The following GPAT4 variants were observed in gnomAD, a reference collection of about 807,000 sequenced individuals.
GPAT4 encodes the protein glycerol-3-phosphate acyltransferase 4.
In GPAT4, 17 loss-of-function variants were observed where a neutral mutation model predicts 58.0. The observed-to-expected ratio is 0.29, with a 90% CI of 0.20 to 0.44. The LOEUF is 0.44. Ranked by LOEUF, GPAT4 falls within the 20% of genes least tolerant of loss-of-function variation. The pLI, the probability that GPAT4 is intolerant of heterozygous loss-of-function variation, is 1.00. For missense variants in GPAT4, 377 were observed against 574.5 expected (o/e 0.66, Z 3.51); for synonymous variants, 204 against 210.1 (o/e 0.97, Z 0.25).
At chr8:41,601,434 G>A (rs12375290) in intron 2 of GPAT4, among the ~76,000 whole-genome samples, 157 of 152,184 alleles carry the variant, frequency 1.0e-3, no homozygotes, top group Middle Eastern at 3.4e-3. Flanking sequence ...GGATCCCTGC[G>A]GATGGTATAA....
At chr8:41,591,759 T>C (rs946951314) in intron 1 of GPAT4, among the ~76,000 whole-genome samples, 1 of 152,250 alleles carries the variant, frequency 6.6e-6, no homozygotes, top group Non-Finnish European at 1.5e-5. Context: ...GTGCCAGTTT[T>C]GTCATATCTC....
chr8:41,596,272 A>G (rs1210245363), intron 1 of GPAT4, among the ~76,000 whole-genome samples: 2 of 152,102 alleles, frequency 1.3e-5, no homozygotes, highest in Non-Finnish European at 2.9e-5. Context: ...CACACCACAA[A>G]ACAAAGAACG....
rs754488446 is a variant in GPAT4, at chr8:41,612,920, G to A, written c.871G>A (p.Glu291Lys). 36 of 1,614,006 alleles carry A rather than the reference G, an allele frequency of 2.2e-5. 1 individual carries two copies. The highest frequency in any genetic ancestry group is 8.5e-7 in the Non-Finnish European group (1 of 1,180,030). ...GAAGGCCTGCCCACACGTCTGGTTTGAGCGCTCGGAAGTGAAGGATCGCCA... is the reference window on the plus strand; with the variant it reads ...GAAGGCCTGCCCACACGTCTGGTTTAAGCGCTCGGAAGTGAAGGATCGCCA... ...MVKACPHVWF[E>K]RSEVKDRHLV... The change falls in exon 8 of 13, where the codon GAG becomes AAG. Residue 291 changes from glutamate (E) to lysine (K), a missense_variant. Physicochemically the swap from Glu to Lys is moderately conservative, Grantham distance 56. Transcript: ENST00000396987.
Position 41,599,073 on chromosome 8 carries a change from AG to A in GPAT4, c.-65del. The A allele has an allele frequency of 6.5e-7, 1 of 1,546,054 alleles. No individual in the cohort carries two copies. Among genetic ancestry groups the A allele is most frequent in the Non-Finnish European group, 8.7e-7 (1 of 1,151,830 alleles). On this transcript the variant is annotated 5_prime_UTR_variant, in exon 2 of 13. It removes the in-frame stop codon of an upstream open reading frame in the 5' UTR. Coordinates refer to ENST00000396987, the MANE Select transcript of GPAT4 (RefSeq NM_178819.4). Reference sequence around the variant, plus strand: ...CTTTCCCTGGCTGGTGCTGTCAGGAAGGACCATCTGAAGGCTGCAATTTGTT... The same window carrying A: ...CTTTCCCTGGCTGGTGCTGTCAGGAAGACCATCTGAAGGCTGCAATTTGTT...
intron 2 of GPAT4, among the ~76,000 whole-genome samples, chr8:41,607,115 A>C (rs568680703): frequency 6.6e-6 from 1 of 152,280 alleles, no homozygotes; most frequent in Non-Finnish European, 1.5e-5. Context: ...GCCATTTCTC[A>C]AACTCCTGGG....
intron 7 of GPAT4, 148 bp downstream of exon 7, chr8:41,612,421 G>A: frequency 3.8e-6 from 3 of 781,376 alleles, no homozygotes; most frequent in Non-Finnish European, 6.1e-6. Flanking sequence ...CTGTGGGACT[G>A]TGATAGGAGA....
In GPAT4 at chr8:41,611,915, C is replaced by T; in HGVS notation, c.624C>T (p.Phe208=). The part of the protein sequence containing the change: ...GYLPNGRFKE[F]MSKHVHLMCY... ...CCTGTTATTGCAGGTTTAAGGAGTTCATGAGTAAACATGTTCACTTAATGT... is the reference window on the plus strand; with the variant it reads ...CCTGTTATTGCAGGTTTAAGGAGTTTATGAGTAAACATGTTCACTTAATGT... Residue 208 remains phenylalanine, a synonymous_variant, in exon 6 of 13, where the codon TTC becomes TTT. Coordinates refer to ENST00000396987, the MANE Select transcript of GPAT4 (RefSeq NM_178819.4). 1 of 1,614,112 alleles carries T rather than the reference C, an allele frequency of 6.2e-7. No homozygotes were observed. The highest frequency in any genetic ancestry group is 1.3e-5 in the African/African-American group (1 of 75,024).
At chr8:41,615,198 T>G (rs1194030888) in intron 10 of GPAT4, 150 bp downstream of exon 10, 1 of 671,814 alleles carries the variant, frequency 1.5e-6, no homozygotes, top group Non-Finnish European at 2.5e-6. Flanking sequence ...GTGGGTCAAG[T>G]GCTGCCGGAG....
chr8:41,614,402 C>G lies in GPAT4; in HGVS notation c.928C>G (p.Gln310Glu). ...LVAKRLTEHV[Q>E]DKSKLPILIF... ...CTTTGAAAGACTGACTGAACATGTGCAAGATAAAAGCAAGCTGCCTATCCT... is the reference window on the plus strand; with the variant it reads ...CTTTGAAAGACTGACTGAACATGTGGAAGATAAAAGCAAGCTGCCTATCCT... Residue 310 changes from glutamine to glutamate, a missense_variant, in exon 9 of 13, where the codon CAA becomes GAA. Physicochemically the swap from Gln to Glu is conservative, Grantham distance 29. Transcript: ENST00000396987. The G allele has an allele frequency of 6.2e-7, 1 of 1,613,972 alleles. No homozygotes were observed. Among genetic ancestry groups the G allele is most frequent in the Non-Finnish European group, 8.5e-7 (1 of 1,179,988 alleles).
At chr8:41,618,597 A>G in intron 10 of GPAT4, 87 bp from the exon 11 acceptor site, 1 of 1,531,340 alleles carries the variant, frequency 6.5e-7, no homozygotes, top group Admixed American at 1.7e-5. Context: ...AGCACGGCCC[A>G]GTGGAGTCAC....
At chr8:41,585,799 A>T (rs1802637411) in intron 1 of GPAT4, among the ~76,000 whole-genome samples, 1 of 152,218 alleles carries the variant, frequency 6.6e-6, no homozygotes, top group Non-Finnish European at 1.5e-5. Context: ...GCAATTTTAA[A>T]TAAAGACGTA....
intron 2 of GPAT4, among the ~76,000 whole-genome samples, chr8:41,604,838 A>T (rs1199560954): frequency 1.3e-5 from 2 of 152,320 alleles, no homozygotes; most frequent in Middle Eastern, 3.4e-3. Context: ...GGCAGCTGTT[A>T]CCTTGAATCC....
chr8:41,582,688 T>TGTGG (rs1554500388), intron 1 of GPAT4, among the ~76,000 whole-genome samples: 11 of 151,468 alleles, frequency 7.3e-5, no homozygotes, highest in East Asian at 3.9e-4. Context: ...TGTGTGTGTG[T>TGTGG]GTGTGTGGGT....
chr8:41,587,271 G>A (rs952415124), intron 1 of GPAT4, among the ~76,000 whole-genome samples: 6 of 152,212 alleles, frequency 3.9e-5, no homozygotes, highest in Non-Finnish European at 7.3e-5. Context: ...GAATGAGAAA[G>A]CATGCTCCAG....
chr8:41,588,202 A>G (rs909758843), intron 1 of GPAT4, among the ~76,000 whole-genome samples: 1 of 152,238 alleles, frequency 6.6e-6, no homozygotes, highest in African/African-American at 2.4e-5. Flanking sequence ...GGTGTGCTCT[A>G]AAAATACGTG....
At chr8:41,581,606 C>T (rs1449954228) in intron 1 of GPAT4, among the ~76,000 whole-genome samples, 1 of 150,194 alleles carries the variant, frequency 6.7e-6, no homozygotes. Flanking sequence ...CATGAGCCAC[C>T]ATGCCAGGCC....
chr8:41,591,138 G>T (rs1802778862), intron 1 of GPAT4, among the ~76,000 whole-genome samples: 1 of 152,074 alleles, frequency 6.6e-6, no homozygotes, highest in African/African-American at 2.4e-5. Flanking sequence ...CAAGCAGGGG[G>T]TACGTGACTG....
At chr8:41,581,394 A>G (rs1309710404) in intron 1 of GPAT4, among the ~76,000 whole-genome samples, 5 of 152,178 alleles carry the variant, frequency 3.3e-5, no homozygotes, top group African/African-American at 1.2e-4. Context: ...TAAACCGAAG[A>G]TCTGCAATAA....
At position 41,599,026 on chromosome 8, in the gene GPAT4, C is replaced by T; in HGVS notation, c.-114C>T. 3 of 1,374,952 alleles carry T rather than the reference C, an allele frequency of 2.2e-6. No homozygotes were observed. Among genetic ancestry groups the T allele is most frequent in the Non-Finnish European group, 3.0e-6 (3 of 1,011,016 alleles). 85.2% of individuals were successfully genotyped at this position (1,374,952 alleles called of 1,614,324 possible). On this transcript the variant is annotated 5_prime_UTR_variant, in exon 2 of 13. Coordinates refer to ENST00000396987, the MANE Select transcript of GPAT4 (RefSeq NM_178819.4). ...GGTGTGGACTTTGGAATGGGGTTTG[C>T]TGTTCTTCGGGAACTTGCTTCCTTT...
Sources: allele counts gnomAD v4.1 joint callset (sites outside exome capture counted in the v4.1 genomes callset), GRCh38; gene constraint gnomAD v4.1.1; transcripts MANE v1.5; gene names NCBI Gene and HGNC (gene_info 2026-07-23, HGNC 2026-07-21).